Variants in TLE4 observed in about 807,000 individuals in gnomAD.
TLE4 encodes transducin-like enhancer protein 4.
In TLE4, 8 loss-of-function variants were observed where a neutral mutation model predicts 92.8. That is an observed-to-expected ratio of 0.09 (90% CI 0.05 to 0.16). The LOEUF is 0.16. Ranked by LOEUF, TLE4 falls within the 10% of genes least tolerant of loss-of-function variation. The pLI is 1.00. For missense variants in TLE4, 675 were observed against 997.6 expected (o/e 0.68, Z 4.36); for synonymous variants, 371 against 374.1 (o/e 0.99, Z 0.10).
Position 79,720,377 on chromosome 9 carries a change from G to GGGGTGTGT in TLE4, c.1838+85_1838+86insGGTGTGTG, listed in dbSNP as rs1263740198. On this transcript the variant is annotated intron_variant, in intron 16 of 19. Transcript: ENST00000376552. ...CCAAAGTGCTGTGTATATAGGTATG[G>GGGGTGTGT]GTGTGTGTGTGTGTGTGTGTGTGTG... is the stretch of plus-strand genomic sequence containing the variant. The GGGGTGTGT allele has an allele frequency of 2.2e-4, 71 of 316,614 alleles. 10 individuals carry two copies. The highest frequency in any genetic ancestry group is 1.8e-3 in the Middle Eastern group (2 of 1,104). The allele number at this position is 316,614 out of a possible 1,614,324, so 19.6% of individuals were successfully genotyped here. A position where few individuals can be genotyped will look rare whatever the true frequency, so the allele number is the denominator to read the frequency against.
Position 79,654,055 on chromosome 9 carries a change from A to G in TLE4, c.593-4A>G, listed in dbSNP as rs372919496. The stretch of plus-strand genomic sequence containing the variant: ...TGCTTGTGTTGCTGCTGTTTTGCAT[A>G]TAGACAGAGACTCCATCAAGGTAGG... On this transcript the variant is annotated splice_region_variant and splice_polypyrimidine_tract_variant and intron_variant, in intron 7 of 19. Transcript: ENST00000376552. 60 of 1,613,626 alleles carry G rather than the reference A, an allele frequency of 3.7e-5. No individual in the cohort carries two copies. The highest frequency in any genetic ancestry group is 4.2e-6 in the Non-Finnish European group (5 of 1,179,816).
intron 6 of TLE4, among the ~76,000 whole-genome samples, chr9:79,635,711 T>C (rs2055592220): frequency 6.6e-6 from 1 of 152,144 alleles, no homozygotes; most frequent in East Asian, 1.9e-4. Flanking sequence ...AGTGTATTTC[T>C]GACTGCTCCA....
At chr9:79,703,021 T>C (rs544967388) in intron 8 of TLE4, among the ~76,000 whole-genome samples, 12 of 152,128 alleles carry the variant, frequency 7.9e-5, no homozygotes, top group Non-Finnish European at 1.5e-4. Flanking sequence ...TGTATGTTTT[T>C]ATAAACATCA....
At chr9:79,672,846 A>G (rs2062637188) in intron 8 of TLE4, among the ~76,000 whole-genome samples, 1 of 152,196 alleles carries the variant, frequency 6.6e-6, no homozygotes, top group African/African-American at 2.4e-5. Flanking sequence ...GTAGCTCAGA[A>G]AACCCTAAGA....
intron 14 of TLE4, among the ~76,000 whole-genome samples, chr9:79,713,667 A>G (rs920713158): frequency 2.0e-5 from 3 of 152,136 alleles, no homozygotes; most frequent in Admixed American, 6.5e-5. Flanking sequence ...TTTGTTAACT[A>G]CAAGTACCAT....
Position 79,602,407 on chromosome 9 carries a change from C to T in TLE4, c.253-10249C>T, listed in dbSNP as rs555781450. Among the ~76,000 whole-genome samples, 28 of 152,286 alleles carry T rather than the reference C, an allele frequency of 1.8e-4. No individual in the cohort carries two copies. In the South Asian group the frequency reaches 5.8e-3, roughly 32 times the overall value. On this transcript the variant is annotated intron_variant, in intron 4 of 19. Coordinates refer to ENST00000376552, the MANE Select transcript of TLE4 (RefSeq NM_007005.6). ...AATCTTCAAAGGACAGACAGACTCC[C>T]TTGTTATGTGACTAATGCAGCTGGT...
In TLE4 at chr9:79,692,940, G is replaced by A. The variant is rs563891054; in HGVS notation, c.610-11843G>A. On this transcript the variant is annotated intron_variant, in intron 8 of 19. Transcript: ENST00000376552. ...CTGTAGGCGAAATATCCTTATCTCCGTTTTATAGGTATGACAAAGCCCCAA... is the reference window on the plus strand; with the variant it reads ...CTGTAGGCGAAATATCCTTATCTCCATTTTATAGGTATGACAAAGCCCCAA... 4.6e-5 allele frequency among the ~76,000 whole-genome samples: 7 copies of A among 152,238 alleles called. No individual in the cohort carries two copies. The East Asian group carries it at 5.8e-4, about 13-fold the overall frequency.
At chr9:79,656,224 G>A (rs939198607) in intron 8 of TLE4, among the ~76,000 whole-genome samples, 2 of 152,164 alleles carry the variant, frequency 1.3e-5, no homozygotes, top group East Asian at 1.9e-4. Flanking sequence ...TTGTTCCATC[G>A]ATCGTCCTCC....
intron 8 of TLE4, among the ~76,000 whole-genome samples, chr9:79,666,220 T>G (rs1486428330): frequency 2.3e-5 from 1 of 43,800 alleles, no homozygotes; most frequent in African/African-American, 5.3e-5. Context: ...TTTTTTTGTT[T>G]TTTTTTTTTT....
At chr9:79,697,184 A>G (rs2068487910) in intron 8 of TLE4, among the ~76,000 whole-genome samples, 1 of 152,226 alleles carries the variant, frequency 6.6e-6, no homozygotes, top group East Asian at 1.9e-4. Flanking sequence ...CAGAAATGTT[A>G]GACTTTGCAA....
intron 8 of TLE4, among the ~76,000 whole-genome samples, chr9:79,678,756 T>C (rs2063791394): frequency 6.6e-6 from 1 of 152,048 alleles, no homozygotes; most frequent in African/African-American, 2.4e-5. Flanking sequence ...TATGTCCTAA[T>C]GCTATCCCTC....
chr9:79,625,001 A>G (rs961172228), intron 5 of TLE4, among the ~76,000 whole-genome samples: 1 of 145,800 alleles, frequency 6.9e-6, no homozygotes, highest in African/African-American at 2.5e-5. Flanking sequence ...TTTCTTTTAA[A>G]TCTATTTCTT....
chr9:79,662,149 CT>C (rs2060620494), intron 8 of TLE4, among the ~76,000 whole-genome samples: 1 of 152,170 alleles, frequency 6.6e-6, no homozygotes, highest in African/African-American at 2.4e-5. Flanking sequence ...CTTAAGTATT[CT>C]TGTTGTAAGT....
intron 18 of TLE4, 93 bp downstream of exon 18, chr9:79,722,694 T>A: frequency 6.9e-7 from 1 of 1,457,660 alleles, no homozygotes; most frequent in Non-Finnish European, 9.4e-7. Context: ...CTTGAGTTCA[T>A]TACCATGCCC....
chr9:79,726,154 A>C lies in TLE4; in HGVS notation c.*1010A>C, dbSNP rs74848161. The C allele has an allele frequency of 2.6e-5, 4 of 152,746 alleles. No homozygotes were observed. In the East Asian group the frequency reaches 7.7e-4, roughly 29 times the overall value. The allele number at this position is 152,746 out of a possible 1,614,324, so 9.5% of individuals were successfully genotyped here. A position where few individuals can be genotyped will look rare whatever the true frequency, so the allele number is the denominator to read the frequency against. On this transcript the variant is annotated 3_prime_UTR_variant, in exon 20 of 20. Transcript: ENST00000376552. ...AGGGTTTGCAGAGACCTCCCTCTGA[A>C]AAACACAAAGAATGGACTCTCTCCT...
At chr9:79,625,013 T>TG (rs2052141085) in intron 5 of TLE4, among the ~76,000 whole-genome samples, 1 of 119,390 alleles carries the variant, frequency 8.4e-6, no homozygotes, top group Non-Finnish European at 1.8e-5. Context: ...CTATTTCTTT[T>TG]CTTTTTTTTT....
chr9:79,620,610 G>A (rs566220591), intron 5 of TLE4, among the ~76,000 whole-genome samples: 12 of 152,270 alleles, frequency 7.9e-5, no homozygotes, highest in African/African-American at 1.7e-4. Context: ...GCAGTTTACC[G>A]GGTATTTGCC....
intron 6 of TLE4, among the ~76,000 whole-genome samples, chr9:79,639,484 TGTAGA>T (rs2056709277): frequency 6.6e-6 from 1 of 152,154 alleles, no homozygotes; most frequent in African/African-American, 2.4e-5. Context: ...TTTGTAGCAG[TGTAGA>T]GTAATTATAA....
At position 79,681,864 on chromosome 9, in the gene TLE4, A is replaced by ATG. The variant is rs1381982823; in HGVS notation, c.610-22905_610-22904dup. Among the ~76,000 whole-genome samples, 37 of 70,644 alleles carry ATG rather than the reference A, an allele frequency of 5.2e-4. 1 individual carries two copies. In the Middle Eastern group the frequency reaches 0.022, roughly 42 times the overall value. 46.3% of individuals were successfully genotyped at this position (70,644 alleles called of 152,430 possible). ...TGTGTGTGTGTGTGTGTGTGTGTGT[A>ATG]TGTGTGTGTGTGTGTAATTTGGTAT... is the stretch of plus-strand genomic sequence containing the variant. On this transcript the variant is annotated intron_variant, in intron 8 of 19. Transcript: ENST00000376552.
Sources: allele counts gnomAD v4.1 joint callset (sites outside exome capture counted in the v4.1 genomes callset), GRCh38; gene constraint gnomAD v4.1.1; transcripts MANE v1.5; gene names NCBI Gene and HGNC (gene_info 2026-07-23, HGNC 2026-07-21).